ASIC4: variants seen among roughly 807,000 people sequenced by gnomAD.
The protein encoded by ASIC4 is acid-sensing ion channel 4.
A neutral mutation model predicts 53.4 loss-of-function variants in ASIC4; 28 were observed. The ratio of observed to expected loss-of-function variants is 0.52; its 90% CI spans 0.39 to 0.72. The LOEUF (loss-of-function observed/expected upper bound fraction) is 0.72. Ranked by LOEUF, ASIC4 falls within the 30% of genes least tolerant of loss-of-function variation. The pLI, the probability that ASIC4 is intolerant of heterozygous loss-of-function variation, is 0.00. For missense variants in ASIC4, 649 were observed against 729.7 expected, an observed-to-expected ratio of 0.89 and a Z score of 1.27; for synonymous variants, 289 against 301.4, an observed-to-expected ratio of 0.96 and a Z score of 0.43.
rs146293263 is a variant in ASIC4 at position 219,515,069 on chromosome 2, C to G, written c.345C>G (p.Val115=). 3.1e-6 allele frequency: 5 copies of G among 1,613,720 alleles called. No individual in the cohort carries two copies. Among genetic ancestry groups the G allele is most frequent in the Non-Finnish European group, 4.2e-6 (5 of 1,179,994 alleles). ...CCCCAGTGGCGGGCTTCCCGGCTGT[C>G]ACCCTCTGCAATATCAACCGCTTCC... ...APAPVAGFPA[V]TLCNINRFRH... Residue 115 remains valine (V), a synonymous_variant, in exon 1 of 10, where the codon GTC becomes GTG. Transcript: ENST00000358078.
intron 1 of ASIC4, among the ~76,000 whole-genome samples, chr2:219,522,525 G>A (rs1447768478): frequency 6.6e-6 from 1 of 152,118 alleles, no homozygotes; most frequent in East Asian, 1.9e-4. Context: ...TCCCAGTAGG[G>A]GTTCCGTTTC....
chr2:219,514,444 G>C, upstream of ASIC4: 1 of 1,550,000 alleles, frequency 6.5e-7, no homozygotes, highest in South Asian at 1.2e-5. Flanking sequence ...GCTGACAGCT[G>C]TGCTGGTGCT....
At chr2:219,522,495 G>A (rs1326154793) in intron 1 of ASIC4, among the ~76,000 whole-genome samples, 2 of 152,116 alleles carry the variant, frequency 1.3e-5, no homozygotes, top group Non-Finnish European at 2.9e-5. Flanking sequence ...AAGGAAACGG[G>A]ACGTTGGGGA....
At chr2:219,514,248 G>C (rs771975031), upstream of ASIC4, 2 of 1,386,568 alleles carry the variant, frequency 1.4e-6, no homozygotes, top group African/African-American at 1.5e-5. Flanking sequence ...GCTGGGGACT[G>C]CCCCCTCCCC....
chr2:219,535,099 C>G (rs538605704), intron 5 of ASIC4, 72 bp from the exon 6 acceptor site: 1 of 1,547,930 alleles, frequency 6.5e-7, no homozygotes, highest in Non-Finnish European at 8.7e-7. Flanking sequence ...CCTGGGCCTC[C>G]TCTCTGCAGC....
chr2:219,513,070 G>A (rs556291690), upstream of ASIC4, among the ~76,000 whole-genome samples: 907 of 152,332 alleles, frequency 6.0e-3, 3 homozygotes, highest in African/African-American at 7.1e-3. Flanking sequence ...GGCAGCGGGT[G>A]GACCTCGGGC....
upstream of ASIC4, among the ~76,000 whole-genome samples, chr2:219,511,017 T>A (rs534232295): frequency 2.4e-4 from 37 of 152,112 alleles, no homozygotes; most frequent in East Asian, 7.2e-3. This position sits in a 1 kb window ranked among gnomAD's most constrained non-coding sequence, Gnocchi z 5.3. Context: ...CCCCCCATCC[T>A]TGTCCCTTAC....
At chr2:219,511,543 G>A (rs1029507220), upstream of ASIC4, among the ~76,000 whole-genome samples, 5 of 152,166 alleles carry the variant, frequency 3.3e-5, no homozygotes, top group Non-Finnish European at 5.9e-5. This position sits in a 1 kb window ranked among gnomAD's most constrained non-coding sequence, Gnocchi z 5.3. Flanking sequence ...AGAGAGCAAA[G>A]GAACCTGGGA....
chr2:219,530,404 T>C (rs1039964946), intron 1 of ASIC4, among the ~76,000 whole-genome samples: 1 of 152,246 alleles, frequency 6.6e-6, no homozygotes, highest in Non-Finnish European at 1.5e-5. Context: ...CGGGCTTCTG[T>C]GCGGCAGAGA....
chr2:219,529,420 C>T (rs763523314), intron 1 of ASIC4, among the ~76,000 whole-genome samples: 7 of 151,860 alleles, frequency 4.6e-5, no homozygotes, highest in Admixed American at 6.6e-5. Flanking sequence ...GAAGAGAAGC[C>T]GATATGGAGA....
intron 1 of ASIC4, among the ~76,000 whole-genome samples, chr2:219,529,002 G>A (rs55918815): frequency 0.2 from 29,792 of 152,162 alleles, 3,011 homozygotes; most frequent in Admixed American, 0.22. Context: ...GCCTTGTCCA[G>A]CTCCCTCCCC....
chr2:219,530,188 G>A (rs554002333), intron 1 of ASIC4, among the ~76,000 whole-genome samples: 1 of 152,332 alleles, frequency 6.6e-6, no homozygotes, highest in Non-Finnish European at 1.5e-5. Context: ...GCCTGTGATG[G>A]GTTTGACCCA....
intron 1 of ASIC4, among the ~76,000 whole-genome samples, chr2:219,523,206 T>G (rs1694915471): frequency 2.0e-5 from 3 of 152,228 alleles, no homozygotes; most frequent in Admixed American, 2.0e-4. Flanking sequence ...GGGAAGGACT[T>G]ACTTACCAAT....
rs1694783636 is a variant in ASIC4, at chr2:219,516,071, G to A, written c.582+765G>A. Reference sequence around the variant, plus strand: ...CCCCAGCACGGGTGCATGCACACATGCACACGCACACACGCACACGCACTG... The same window carrying A: ...CCCCAGCACGGGTGCATGCACACATACACACGCACACACGCACACGCACTG... On this transcript the variant is annotated intron_variant, in intron 1 of 9. Coordinates refer to ENST00000358078, the MANE Select transcript of ASIC4 (RefSeq NM_018674.6). The surrounding 1 kb of genome is among the most constrained non-coding windows in gnomAD (Gnocchi z 4.9). Among the ~76,000 whole-genome samples the A allele has an allele frequency of 1.3e-5, 2 of 152,062 alleles. No homozygotes were observed. The highest frequency in any genetic ancestry group is 4.8e-5 in the African/African-American group (2 of 41,376).
chr2:219,524,812 CAG>C (rs1392993115), intron 1 of ASIC4, among the ~76,000 whole-genome samples: 6 of 152,210 alleles, frequency 3.9e-5, no homozygotes, highest in Admixed American at 3.9e-4. Flanking sequence ...TCCCAAATTG[CAG>C]AGAGAGCCTG....
chr2:219,531,699 C>T (rs1419595992), intron 1 of ASIC4, 59 bp from the exon 2 acceptor site: 22 of 1,522,342 alleles, frequency 1.4e-5, no homozygotes, highest in Admixed American at 2.1e-5. Context: ...CAGGGAACTT[C>T]GGAGTTGCCT....
chr2:219,529,871 G>A (rs1280761955), intron 1 of ASIC4, among the ~76,000 whole-genome samples: 1 of 152,028 alleles, frequency 6.6e-6, no homozygotes, highest in Non-Finnish European at 1.5e-5. Context: ...TGTGGGAGAG[G>A]GGAGGATCAG....
rs1695162521 is a variant in ASIC4, at chr2:219,537,525, G to T, written c.1402-107G>T. 9.0e-7 allele frequency: 1 copy of T among 1,105,962 alleles called. No individual in the cohort carries two copies. The highest frequency in any genetic ancestry group is 1.6e-5 in the African/African-American group (1 of 63,830). The allele number at this position is 1,105,962 out of a possible 1,614,324, so 68.5% of individuals were successfully genotyped here. A position where few individuals can be genotyped will look rare whatever the true frequency, so the allele number is the denominator to read the frequency against. On this transcript the variant is annotated intron_variant, in intron 8 of 9. Coordinates refer to ENST00000358078, the MANE Select transcript of ASIC4 (RefSeq NM_018674.6). The surrounding 1 kb of genome is among the most constrained non-coding windows in gnomAD (Gnocchi z 4.9). ...GGAGGAGGAGGGTGTCCTACTGGGA[G>T]TTTGCTGTGGCAGTAAGTCCTGTGG...
At position 219,517,780 on chromosome 2, in the gene ASIC4, G is replaced by T. The variant is rs1435307769; in HGVS notation, c.582+2474G>T. ...TTTGGGGTCTATGGTGGGGAGATGG[G>T]TATGTGAGCTGGTTGGTGGGGAGCC... On this transcript the variant is annotated intron_variant, in intron 1 of 9. Coordinates refer to ENST00000358078, the MANE Select transcript of ASIC4 (RefSeq NM_018674.6). The surrounding 1 kb of genome is among the most constrained non-coding windows in gnomAD (Gnocchi z 4.2). Among the ~76,000 whole-genome samples, 1 of 152,096 alleles carries T rather than the reference G, an allele frequency of 6.6e-6. No homozygotes were observed. Among genetic ancestry groups the T allele is most frequent in the Non-Finnish European group, 1.5e-5 (1 of 68,014 alleles).
Sources: allele counts gnomAD v4.1 joint callset (sites outside exome capture counted in the v4.1 genomes callset), GRCh38; gene constraint gnomAD v4.1.1; non-coding constraint Gnocchi (gnomAD v3.1); transcripts MANE v1.5; gene names NCBI Gene and HGNC (gene_info 2026-07-23, HGNC 2026-07-21).